Variants in KCNK2 observed in about 807,000 individuals in gnomAD.
KCNK2 encodes the protein potassium two pore domain channel subfamily K member 2, also known as potassium channel subfamily K member 2.
In KCNK2, 21 loss-of-function variants were observed where a neutral mutation model predicts 40.5. That is an observed-to-expected ratio of 0.52 (90% confidence interval 0.37 to 0.75). The LOEUF is 0.75. KCNK2 is among the 30% of genes least tolerant of loss of function. The pLI, the probability that KCNK2 is intolerant of heterozygous loss-of-function variation, is 0.00. For synonymous variants in KCNK2, 191 were observed against 202.2 expected (o/e 0.94, Z 0.47); for missense variants, 399 against 531.6 (o/e 0.75, Z 2.45).
intron 6 of KCNK2, among the ~76,000 whole-genome samples, chr1:215,208,469 T>C (rs1341639735): frequency 2.0e-5 from 3 of 152,170 alleles, no homozygotes; most frequent in African/African-American, 7.2e-5. Flanking sequence ...TGTTTACTTA[T>C]GTAACAAATC....
At chr1:215,079,893 G>A (rs1424250625), upstream of KCNK2, among the ~76,000 whole-genome samples, 1 of 152,162 alleles carries the variant, frequency 6.6e-6, no homozygotes, top group African/African-American at 2.4e-5. Context: ...TTATTTGTGA[G>A]GCTGAGCATT....
chr1:215,209,957 A>G (rs1189646196), intron 6 of KCNK2, among the ~76,000 whole-genome samples: 1 of 62,724 alleles, frequency 1.6e-5, no homozygotes, highest in Non-Finnish European at 2.8e-5. Flanking sequence ...ATAGGAAAAT[A>G]TATTTTATAT....
chr1:215,037,157 T>C (rs1459052573), intron 1 of KCNK2, among the ~76,000 whole-genome samples: 1 of 151,848 alleles, frequency 6.6e-6, no homozygotes, highest in Non-Finnish European at 1.5e-5. Context: ...CCATAAGGTT[T>C]TAGTGTTTCT....
Position 215,102,631 on chromosome 1 carries a change from C to T in KCNK2, c.357+15953C>T, listed in dbSNP as rs143004362. Among the ~76,000 whole-genome samples, 29 of 152,080 alleles carry T rather than the reference C, an allele frequency of 1.9e-4. No homozygotes were observed. The East Asian group carries it at 4.7e-3, about 24-fold the overall frequency. ...GTCCTAGGCCTTCTCATTCACTCACCGTCACTCATTTATTCTCCCAGAACA... is the reference window on the plus strand; with the variant it reads ...GTCCTAGGCCTTCTCATTCACTCACTGTCACTCATTTATTCTCCCAGAACA... On this transcript the variant is annotated intron_variant, in intron 2 of 6. Transcript: ENST00000444842.
chr1:215,193,350 C>T (rs1248384741), intron 5 of KCNK2, among the ~76,000 whole-genome samples: 5 of 151,956 alleles, frequency 3.3e-5, no homozygotes, highest in Non-Finnish European at 7.4e-5. Context: ...CTGCCCTGTT[C>T]TATTAAGTGT....
chr1:215,022,078 G>A (rs1347684379), intron 1 of KCNK2, among the ~76,000 whole-genome samples: 1 of 80,240 alleles, frequency 1.2e-5, no homozygotes, highest in Non-Finnish European at 2.9e-5. Flanking sequence ...CCATAATCAT[G>A]TGAGCCAATT....
intron 3 of KCNK2, among the ~76,000 whole-genome samples, chr1:215,154,064 A>G (rs1414182065): frequency 6.6e-6 from 1 of 152,124 alleles, no homozygotes; most frequent in Non-Finnish European, 1.5e-5. Context: ...TATGTGTGCA[A>G]GTGTCTTTAT....
At chr1:215,113,699 G>A (rs966576364) in intron 2 of KCNK2, among the ~76,000 whole-genome samples, 2 of 152,150 alleles carry the variant, frequency 1.3e-5, no homozygotes, top group African/African-American at 2.4e-5. Flanking sequence ...AGGTTCAAGC[G>A]ATTCTTATGC....
At chr1:215,115,363 T>C (rs2102568838) in intron 2 of KCNK2, among the ~76,000 whole-genome samples, 1 of 152,300 alleles carries the variant, frequency 6.6e-6, no homozygotes, top group African/African-American at 2.4e-5. Flanking sequence ...AGGAACCCTA[T>C]GGATGTGTGT....
chr1:215,120,784 T>G (rs1355973115), intron 2 of KCNK2, among the ~76,000 whole-genome samples: 1 of 152,348 alleles, frequency 6.6e-6, no homozygotes, highest in East Asian at 1.9e-4. Context: ...ATAACTTTAT[T>G]TGATTTATGC....
At chr1:215,014,256 A>G (rs1166029135) in intron 1 of KCNK2, among the ~76,000 whole-genome samples, 1 of 151,948 alleles carries the variant, frequency 6.6e-6, no homozygotes, top group Admixed American at 6.6e-5. Flanking sequence ...TCCAGGATTA[A>G]CCCCACTTAA....
At chr1:215,052,844 T>A (rs1306700395) in intron 1 of KCNK2, among the ~76,000 whole-genome samples, 1 of 152,192 alleles carries the variant, frequency 6.6e-6, no homozygotes, top group African/African-American at 2.4e-5. Context: ...TCATGACTAT[T>A]GGGTAGAATT....
intron 3 of KCNK2, among the ~76,000 whole-genome samples, chr1:215,163,090 C>G (rs1048519783): frequency 2.0e-5 from 3 of 152,012 alleles, no homozygotes; most frequent in Admixed American, 6.6e-5. Context: ...TGTTTGTGTC[C>G]TCTTTTATTT....
intron 3 of KCNK2, among the ~76,000 whole-genome samples, chr1:215,135,859 C>T (rs994115415): frequency 2.0e-5 from 3 of 151,840 alleles, no homozygotes; most frequent in South Asian, 2.1e-4. Flanking sequence ...CTCAGCCTCC[C>T]GAGTAGCTGG....
At chr1:215,005,946 G>T (rs758280902) in exon 1 of KCNK2, 20 of 1,612,890 alleles carry the variant, frequency 1.2e-5, no homozygotes, top group Non-Finnish European at 1.7e-5. Flanking sequence ...AGCAAAAAGG[G>T]ATTTCTACTG....
At chr1:215,230,540 TATAC>T (rs1220265400) in intron 6 of KCNK2, among the ~76,000 whole-genome samples, 7 of 94,174 alleles carry the variant, frequency 7.4e-5, no homozygotes, top group African/African-American at 3.0e-4. Flanking sequence ...TATGTATATA[TATAC>T]ACACACATAA....
intron 3 of KCNK2, among the ~76,000 whole-genome samples, chr1:215,149,056 G>C (rs761238876): frequency 1.3e-5 from 2 of 152,116 alleles, no homozygotes; most frequent in Non-Finnish European, 2.9e-5. Context: ...AACACTTAAG[G>C]GTTTTGAAAC....
At chr1:215,189,919 T>C (rs975838705) in intron 5 of KCNK2, among the ~76,000 whole-genome samples, 1 of 152,190 alleles carries the variant, frequency 6.6e-6, no homozygotes, top group African/African-American at 2.4e-5. Context: ...CCATGTTTGA[T>C]ATTTAAGCTA....
At chr1:215,118,191 A>G (rs1268390315) in intron 2 of KCNK2, among the ~76,000 whole-genome samples, 1 of 152,098 alleles carries the variant, frequency 6.6e-6, no homozygotes, top group Non-Finnish European at 1.5e-5. Flanking sequence ...AACAGCTCAC[A>G]TCATCTGGAA....
Sources: gnomAD v4.1 joint callset for allele counts (sites outside exome capture counted in the v4.1 genomes callset) on GRCh38, gnomAD v4.1.1 for gene constraint, MANE v1.5 for transcripts, NCBI Gene and HGNC (gene_info 2026-07-23, HGNC 2026-07-21) for gene names.